PGCKA1: variants seen among roughly 807,000 people sequenced by gnomAD.
PGCKA1 encodes the protein PDCD10 and GCKIII kinases associated 1.
At chr4:37,507,516 C>A in the PGCKA1 span, among the ~76,000 whole-genome samples, 10 of 152,086 alleles carry the variant, frequency 6.6e-5, no homozygotes, top group Non-Finnish European at 1.2e-4. Context: ...AAGCTGATAA[C>A]AACACTAGCA....
chr4:37,485,419 G>A, the PGCKA1 span, among the ~76,000 whole-genome samples: 1 of 152,062 alleles, frequency 6.6e-6, no homozygotes, highest in African/African-American at 2.4e-5. Flanking sequence ...GGATGAGTTT[G>A]GCTCCCTTCC....
the PGCKA1 span, among the ~76,000 whole-genome samples, chr4:37,497,473 A>G: frequency 6.6e-6 from 1 of 151,892 alleles, no homozygotes; most frequent in Non-Finnish European, 1.5e-5. Flanking sequence ...GCTGGATCAA[A>G]TAAACTAGTT....
chr4:37,557,486 G>A, the PGCKA1 span, among the ~76,000 whole-genome samples: 14 of 152,298 alleles, frequency 9.2e-5, no homozygotes, highest in East Asian at 2.1e-3. Flanking sequence ...CAGATTTGGC[G>A]TCTGGTGAGG....
the PGCKA1 span, among the ~76,000 whole-genome samples, chr4:37,462,111 T>A: frequency 2.0e-5 from 3 of 150,684 alleles, no homozygotes; most frequent in Admixed American, 1.3e-4. Context: ...TTTTCAGCTT[T>A]TGCTAAGAGG....
At chr4:37,474,672 G>T in the PGCKA1 span, among the ~76,000 whole-genome samples, 1 of 152,118 alleles carries the variant, frequency 6.6e-6, no homozygotes, top group Non-Finnish European at 1.5e-5. Context: ...GGTACTTTAG[G>T]TGATTTGTGC....
At chr4:37,592,563 A>G in the PGCKA1 span, among the ~76,000 whole-genome samples, 1 of 152,204 alleles carries the variant, frequency 6.6e-6, no homozygotes, top group African/African-American at 2.4e-5. Context: ...ACGTAACTCA[A>G]TGGAGAATTT....
At chr4:37,520,742 C>T in the PGCKA1 span, among the ~76,000 whole-genome samples, 7 of 152,118 alleles carry the variant, frequency 4.6e-5, no homozygotes, top group Admixed American at 2.0e-4. Context: ...TTCAGCCTCC[C>T]GAGTAGCTGG....
chr4:37,535,003 C>T, the PGCKA1 span, among the ~76,000 whole-genome samples: 333 of 152,252 alleles, frequency 2.2e-3, 1 homozygote, highest in Non-Finnish European at 3.5e-3. Context: ...GATTCAAATG[C>T]GACAAATTCC....
chr4:37,511,320 A>G, the PGCKA1 span, among the ~76,000 whole-genome samples: 2 of 152,010 alleles, frequency 1.3e-5, no homozygotes, highest in African/African-American at 4.8e-5. Flanking sequence ...ATTACACCTG[A>G]TACCAGTATG....
the PGCKA1 span, among the ~76,000 whole-genome samples, chr4:37,546,046 T>C: frequency 6.6e-6 from 1 of 152,098 alleles, no homozygotes; most frequent in Non-Finnish European, 1.5e-5. Context: ...TAATAGATGA[T>C]GAGAAGGAGG....
the PGCKA1 span, among the ~76,000 whole-genome samples, chr4:37,491,644 T>TA: frequency 6.6e-6 from 1 of 152,226 alleles, no homozygotes; most frequent in Non-Finnish European, 1.5e-5. Context: ...TTCACAATGA[T>TA]ATCCCTTGGT....
chr4:37,489,235 A>T, the PGCKA1 span, among the ~76,000 whole-genome samples: 3 of 152,224 alleles, frequency 2.0e-5, no homozygotes, highest in Admixed American at 6.5e-5. Flanking sequence ...TTAAGAATGT[A>T]GATCTCCTGT....
At chr4:37,572,063 CTTTTTTTTTTTT>C in the PGCKA1 span, among the ~76,000 whole-genome samples, 1 of 89,994 alleles carries the variant, frequency 1.1e-5, no homozygotes, top group South Asian at 4.0e-4. Context: ...TTTTTTTTTT[CTTTTTTTTTTTT>C]TTTTTGAGAC....
the PGCKA1 span, among the ~76,000 whole-genome samples, chr4:37,508,375 G>A: frequency 6.6e-5 from 10 of 151,826 alleles, no homozygotes; most frequent in South Asian, 2.1e-4. Context: ...TCTAGATCTC[G>A]TAGGTATGCT....
chr4:37,503,250 C>A, the PGCKA1 span, among the ~76,000 whole-genome samples: 5 of 152,164 alleles, frequency 3.3e-5, no homozygotes, highest in Non-Finnish European at 7.3e-5. Context: ...TCATTGGAAG[C>A]CAGGAAGGAG....
At chr4:37,487,377 T>A in the PGCKA1 span, among the ~76,000 whole-genome samples, 1 of 152,226 alleles carries the variant, frequency 6.6e-6, no homozygotes, top group Non-Finnish European at 1.5e-5. Flanking sequence ...AAGTAATGTA[T>A]CTTTTTATTT....
chr4:37,553,909 G>T, the PGCKA1 span, among the ~76,000 whole-genome samples: 1 of 152,178 alleles, frequency 6.6e-6, no homozygotes, highest in Non-Finnish European at 1.5e-5. Flanking sequence ...AGGGAACATT[G>T]TATAAATGAA....
chr4:37,571,911 C>T, the PGCKA1 span, among the ~76,000 whole-genome samples: 6 of 151,934 alleles, frequency 3.9e-5, no homozygotes, highest in Non-Finnish European at 8.8e-5. Context: ...GGATTACTGA[C>T]GTGAGCCGCC....
chr4:37,515,988 T>A, the PGCKA1 span, among the ~76,000 whole-genome samples: 104 of 152,058 alleles, frequency 6.8e-4, no homozygotes, highest in African/African-American at 2.3e-3. Flanking sequence ...ATACTTTTTT[T>A]TATATATAAA....
Sources: gnomAD v4.1 joint callset for allele counts (sites outside exome capture counted in the v4.1 genomes callset) on GRCh38, gnomAD v4.1.1 for gene constraint, MANE v1.5 for transcripts, NCBI Gene and HGNC (gene_info 2026-07-23, HGNC 2026-07-21) for gene names.